Variants in IGSF11 observed in about 807,000 individuals in gnomAD.
The protein encoded by IGSF11 is CXADR like 1.
A neutral mutation model predicts 41.0 loss-of-function variants in IGSF11; 22 were observed. The ratio of observed to expected loss-of-function variants is 0.54; its 90% CI spans 0.38 to 0.77. The LOEUF (loss-of-function observed/expected upper bound fraction) is 0.77. Among genes scored for constraint, IGSF11 ranks in the 30% least tolerant of loss-of-function variants. The pLI is 0.00. For missense variants in IGSF11, 444 were observed against 530.8 expected (o/e 0.84, Z 1.61); for synonymous variants, 219 against 201.3 (o/e 1.09, Z -0.74).
At chr3:118,972,126 G>T (rs1414267360) in intron 1 of IGSF11, among the ~76,000 whole-genome samples, 1 of 152,126 alleles carries the variant, frequency 6.6e-6, no homozygotes, top group Admixed American at 6.5e-5. Flanking sequence ...TTCTTTAGGG[G>T]GTTGCTCTCA....
chr3:119,082,284 T>C (rs564831209), intron 1 of IGSF11, among the ~76,000 whole-genome samples: 2 of 152,328 alleles, frequency 1.3e-5, no homozygotes, highest in South Asian at 2.1e-4. Flanking sequence ...TTAGGACATA[T>C]ACTTCATGCC....
At chr3:119,073,269 A>G (rs1195845617) in intron 1 of IGSF11, among the ~76,000 whole-genome samples, 1 of 152,218 alleles carries the variant, frequency 6.6e-6, no homozygotes, top group African/African-American at 2.4e-5. Flanking sequence ...TGGTGGATTT[A>G]CAATCCTCCA....
chr3:118,965,522 C>T (rs941164878), intron 1 of IGSF11, among the ~76,000 whole-genome samples: 4 of 147,568 alleles, frequency 2.7e-5, no homozygotes, highest in Non-Finnish European at 6.0e-5. Flanking sequence ...TCATCTTATG[C>T]CAGATAGAGG....
chr3:119,134,220 T>C (rs1462494327), intron 1 of IGSF11, among the ~76,000 whole-genome samples: 1 of 152,066 alleles, frequency 6.6e-6, no homozygotes, highest in East Asian at 1.9e-4. Flanking sequence ...GCCAAGGCAA[T>C]CAGGCAGGAG....
intron 1 of IGSF11, among the ~76,000 whole-genome samples, chr3:119,081,191 G>C (rs887693628): frequency 6.6e-6 from 1 of 151,582 alleles, no homozygotes; most frequent in Admixed American, 6.6e-5. Flanking sequence ...CATCCTCATA[G>C]TCCCATTTTT....
At chr3:119,085,360 T>C (rs1276884956) in intron 1 of IGSF11, among the ~76,000 whole-genome samples, 1 of 152,194 alleles carries the variant, frequency 6.6e-6, no homozygotes, top group East Asian at 1.9e-4. Flanking sequence ...TTTAGCCCTC[T>C]GAAAACTTCC....
chr3:118,970,484 T>TA (rs1299215077), intron 1 of IGSF11, among the ~76,000 whole-genome samples: 6 of 152,264 alleles, frequency 3.9e-5, no homozygotes, highest in African/African-American at 1.4e-4. Context: ...GGATACTACA[T>TA]AAGCAAGAAA....
intron 1 of IGSF11, among the ~76,000 whole-genome samples, chr3:119,124,476 A>T (rs1232958354): frequency 6.6e-6 from 1 of 150,804 alleles, no homozygotes; most frequent in East Asian, 2.0e-4. Context: ...CATGTTGGTC[A>T]GGCTGGTCTC....
intron 1 of IGSF11, among the ~76,000 whole-genome samples, chr3:118,976,605 G>C (rs1434244452): frequency 6.6e-6 from 1 of 152,228 alleles, no homozygotes; most frequent in African/African-American, 2.4e-5. Flanking sequence ...AGGGAGACTA[G>C]AGATAGAATC....
At chr3:119,059,037 G>A (rs60886796) in intron 1 of IGSF11, among the ~76,000 whole-genome samples, 7,597 of 149,340 alleles carry the variant, frequency 0.051, 679 homozygotes, top group African/African-American at 0.18. Context: ...TGACGAGTTA[G>A]TGGGTGCAGC....
chr3:119,102,517 T>C (rs1019854310), intron 1 of IGSF11, among the ~76,000 whole-genome samples: 1 of 152,246 alleles, frequency 6.6e-6, no homozygotes, highest in African/African-American at 2.4e-5. Context: ...AACAATTCCA[T>C]GTCAAGTTTT....
intron 6 of IGSF11, among the ~76,000 whole-genome samples, chr3:118,903,895 T>C (rs755660426): frequency 9.9e-5 from 15 of 152,118 alleles, no homozygotes; most frequent in African/African-American, 3.4e-4. Flanking sequence ...AGTAAAGAGA[T>C]GGATCAAATG....
At chr3:119,138,345 T>G (rs34867226) in intron 1 of IGSF11, among the ~76,000 whole-genome samples, 20,233 of 152,098 alleles carry the variant, frequency 0.13, 1,400 homozygotes, top group East Asian at 0.23. Context: ...ATTAATGGAT[T>G]TTTTAAATGT....
upstream of IGSF11, among the ~76,000 whole-genome samples, chr3:119,107,146 C>A (rs534422339): frequency 2.6e-5 from 4 of 152,266 alleles, no homozygotes; most frequent in East Asian, 5.8e-4. Context: ...TGTTCTAGAT[C>A]CCTGAGGAAT....
intron 1 of IGSF11, among the ~76,000 whole-genome samples, chr3:119,094,273 A>G (rs1243528991): frequency 1.3e-4 from 18 of 140,440 alleles, no homozygotes; most frequent in South Asian, 7.4e-4. Flanking sequence ...ATTAGTAAAT[A>G]AATATTACTC....
intron 1 of IGSF11, among the ~76,000 whole-genome samples, chr3:119,055,526 C>A (rs551909154): frequency 6.6e-6 from 1 of 152,220 alleles, no homozygotes. Context: ...TAATGGGAGA[C>A]TTTTAACAAC....
Position 119,008,557 on chromosome 3 carries a change from C to T in IGSF11, c.52+25974G>A, listed in dbSNP as rs565282886. On this transcript the variant is annotated intron_variant, in intron 1 of 6. Coordinates refer to ENST00000393775, the MANE Select transcript of IGSF11 (RefSeq NM_001015887.3). Reference sequence around the variant, plus strand: ...TAGGAGGAGGAAGCAATCAACAGTGCTAAAAGCTAATTTTTCACATCTTCT... The same window carrying T: ...TAGGAGGAGGAAGCAATCAACAGTGTTAAAAGCTAATTTTTCACATCTTCT... Among the ~76,000 whole-genome samples, 225 of 152,224 alleles carry T rather than the reference C, an allele frequency of 1.5e-3. 1 individual carries two copies. Among genetic ancestry groups the T allele is most frequent in the African/African-American group, 4.9e-3 (204 of 41,528 alleles).
intron 1 of IGSF11, among the ~76,000 whole-genome samples, chr3:119,049,177 G>T (rs887713846): frequency 1.4e-4 from 21 of 151,484 alleles, no homozygotes; most frequent in African/African-American, 4.9e-4. Context: ...GAAATAAAGG[G>T]TATTCAATTA....
chr3:118,922,892 T>G (rs1941955040), intron 4 of IGSF11, among the ~76,000 whole-genome samples: 1 of 152,092 alleles, frequency 6.6e-6, no homozygotes, highest in Admixed American at 6.6e-5. Flanking sequence ...CCCACTTTCT[T>G]GCTTGCTGTT....
Sources: gnomAD v4.1 joint callset for allele counts (sites outside exome capture counted in the v4.1 genomes callset) on GRCh38, gnomAD v4.1.1 for gene constraint, MANE v1.5 for transcripts, NCBI Gene and HGNC (gene_info 2026-07-23, HGNC 2026-07-21) for gene names.